LPO: variants seen among roughly 807,000 people sequenced by gnomAD.
LPO encodes the protein lactoperoxidase.
A neutral mutation model predicts 68.4 loss-of-function variants in LPO; 70 were observed. The observed-to-expected ratio is 1.02, with a 90% CI of 0.84 to 1.25. The LOEUF (loss-of-function observed/expected upper bound fraction) is 1.25, where lower values mean the gene tolerates loss of function less well. Ranked by LOEUF, LPO falls within the 50% of genes most tolerant of loss-of-function variation. The pLI is 0.00. For synonymous variants in LPO, 360 were observed against 357.6 expected, an observed-to-expected ratio of 1.01 and a Z score of -0.08; for missense variants, 873 against 908.4, an observed-to-expected ratio of 0.96 and a Z score of 0.50.
chr17:58,254,839 G>A lies in LPO; in HGVS notation c.1134G>A (p.Leu378=). ...AGDSRASEHI[L]LATSHTLFLR... is the part of the protein sequence containing the mutation. ...ATTCTCGAGCCTCAGAGCATATTCT[G>A]CTGGCCACATCCCACACCCTCTTTC... The change falls in exon 9 of 13, where the codon CTG becomes CTA. Residue 378 remains leucine (L), a synonymous_variant. Coordinates refer to ENST00000262290, the MANE Select transcript of LPO (RefSeq NM_006151.3). 3 of 1,614,070 alleles carry A rather than the reference G, an allele frequency of 1.9e-6. No homozygotes were observed. The highest frequency in any genetic ancestry group is 1.3e-5 in the African/African-American group (1 of 75,022).
chr17:58,250,791 C>T (rs1969946432), intron 7 of LPO, 170 bp downstream of exon 7: 1 of 663,742 alleles, frequency 1.5e-6, no homozygotes, highest in Admixed American at 2.4e-5. Flanking sequence ...AGTAAATAGA[C>T]ATTGACCACC....
At chr17:58,265,493 C>A (rs1238803706) in intron 10 of LPO, among the ~76,000 whole-genome samples, 2 of 151,880 alleles carry the variant, frequency 1.3e-5, no homozygotes, top group Non-Finnish European at 2.9e-5. Flanking sequence ...ATTTATGCAA[C>A]CTCTTCCCAT....
chr17:58,244,854 C>T (rs1969824917), intron 3 of LPO, among the ~76,000 whole-genome samples: 2 of 152,228 alleles, frequency 1.3e-5, no homozygotes, highest in Admixed American at 1.3e-4. Flanking sequence ...GAGCCCAGGG[C>T]CCACAGGGCA....
At chr17:58,251,843 GTTGT>G (rs1969963977) in intron 7 of LPO, 1 of 577,270 alleles carries the variant, frequency 1.7e-6, no homozygotes, top group African/African-American at 1.8e-5. Flanking sequence ...CATGGCAGCT[GTTGT>G]TAGTAGTAAT....
rs760317867 is a variant in LPO at position 58,247,648 on chromosome 17, A to G, written c.325+10A>G. On this transcript the variant is annotated intron_variant, in intron 4 of 12. Coordinates refer to ENST00000262290, the MANE Select transcript of LPO (RefSeq NM_006151.3). Reference sequence around the variant, plus strand: ...TTGACCAATGTCACAGGTACAGAAAACCCACCAGCCCTCTGTGGCAGGAAG... The same window carrying G: ...TTGACCAATGTCACAGGTACAGAAAGCCCACCAGCCCTCTGTGGCAGGAAG... The G allele has an allele frequency of 6.2e-7, 1 of 1,611,360 alleles. No homozygotes were observed. The highest frequency in any genetic ancestry group is 8.5e-7 in the Non-Finnish European group (1 of 1,178,214).
At chr17:58,247,673 G>A in intron 4 of LPO, 35 bp downstream of exon 4, 3 of 1,603,168 alleles carry the variant, frequency 1.9e-6, no homozygotes, top group Non-Finnish European at 2.6e-6. Flanking sequence ...GTGGCAGGAA[G>A]GGGTCATCTC....
At chr17:58,241,981 C>A (rs1440362606) in intron 1 of LPO, among the ~76,000 whole-genome samples, 1 of 152,202 alleles carries the variant, frequency 6.6e-6, no homozygotes, top group African/African-American at 2.4e-5. Flanking sequence ...TGGGGGGCAA[C>A]CTGAGGCTGC....
chr17:58,248,369 C>T (rs567031825), intron 4 of LPO, among the ~76,000 whole-genome samples: 43 of 152,294 alleles, frequency 2.8e-4, no homozygotes, highest in African/African-American at 3.6e-4. Flanking sequence ...ACAAAAGGTT[C>T]GGAGAGCTGA....
Position 58,243,977 on chromosome 17 carries a change from C to T in LPO, c.77-17C>T, listed in dbSNP as rs375417975. On this transcript the variant is annotated splice_polypyrimidine_tract_variant and intron_variant, in intron 2 of 12. Transcript: ENST00000262290. The stretch of plus-strand genomic sequence containing the variant: ...GTGTCTGACACCCTACTTCCTGCTC[C>T]CCACTCCAACCCCAAGCGCAGACTA... 8.8e-6 allele frequency: 14 copies of T among 1,592,662 alleles called. No individual in the cohort carries two copies. Among genetic ancestry groups the T allele is most frequent in the Non-Finnish European group, 1.1e-5 (13 of 1,160,846 alleles).
Position 58,254,813 on chromosome 17 carries a change from G to C in LPO, c.1108G>C (p.Asp370His). ...TARVPCFLAG[D>H]SRASEHILLA... is the part of the protein sequence containing the mutation. ...CTTCCTGCCTTCTGGGCTTTCAGGA[G>C]ATTCTCGAGCCTCAGAGCATATTCT... The change falls in exon 9 of 13, where the codon GAT (aspartate) becomes CAT (histidine). Residue 370 changes from aspartate to histidine, a missense_variant and splice_region_variant. Asp to His is a moderately conservative substitution (Grantham distance 81). Transcript: ENST00000262290. 1 of 1,613,930 alleles carries C rather than the reference G, an allele frequency of 6.2e-7. No individual in the cohort carries two copies. The highest frequency in any genetic ancestry group is 8.5e-7 in the Non-Finnish European group (1 of 1,179,928).
intron 10 of LPO, 76 bp from the exon 11 acceptor site, chr17:58,266,077 G>T: frequency 7.1e-7 from 1 of 1,415,470 alleles, no homozygotes; most frequent in Non-Finnish European, 9.7e-7. Context: ...ATGTCTGGTG[G>T]AGGCAGAGGC....
At chr17:58,250,799 A>G (rs887247938) in intron 7 of LPO, 178 bp downstream of exon 7, 3 of 639,414 alleles carry the variant, frequency 4.7e-6, no homozygotes, top group Non-Finnish European at 8.2e-6. Flanking sequence ...GACATTGACC[A>G]CCCCATACCA....
intron 9 of LPO, among the ~76,000 whole-genome samples, chr17:58,256,820 C>T (rs1359928045): frequency 2.0e-4 from 29 of 144,406 alleles, no homozygotes; most frequent in Admixed American, 2.0e-3. Context: ...GAGTGAGACT[C>T]CCTTTCAAAA....
chr17:58,243,062 G>A lies in LPO; in HGVS notation c.76+7G>A, dbSNP rs1293650182. ...GCAGCATCTACCACAAGAGGTGAGT[G>A]TCTCCCTTTACGGGTTTTCTGGGGC... On this transcript the variant is annotated splice_region_variant and intron_variant, in intron 2 of 12. Coordinates refer to ENST00000262290, the MANE Select transcript of LPO (RefSeq NM_006151.3). 3 of 1,613,576 alleles carry A rather than the reference G, an allele frequency of 1.9e-6. No individual in the cohort carries two copies. Among genetic ancestry groups the A allele is most frequent in the Admixed American group, 3.3e-5 (2 of 59,998 alleles).
chr17:58,243,429 C>T (rs8178293), intron 2 of LPO: 3,404 of 231,290 alleles, frequency 0.015, 33 homozygotes, highest in Non-Finnish European at 0.02. Flanking sequence ...TACAAAGACC[C>T]TACTTCCAAA....
rs546490914 is a variant in LPO, at chr17:58,266,624, A to AT, written c.1693+309dup. Among the ~76,000 whole-genome samples the AT allele has an allele frequency of 1.1e-3, 159 of 147,228 alleles. 1 individual carries two copies. The highest frequency in any genetic ancestry group is 3.5e-3 in the Middle Eastern group (1 of 288). The stretch of plus-strand genomic sequence containing the variant: ...TACAGGTGTGCCACATGCCCAGCTT[A>AT]TTTTTTTTTTTAAATATAGACATAG... On this transcript the variant is annotated intron_variant, in intron 11 of 12. Transcript: ENST00000262290.
Position 58,252,173 on chromosome 17 carries a change from T to C in LPO, c.781-9T>C. On this transcript the variant is annotated splice_polypyrimidine_tract_variant and intron_variant, in intron 7 of 12. Transcript: ENST00000262290. ...CCTGCCCAGTCACTTATGCCCACTCTCTCTGCAGTTCCCACCCAATGACCC... is the reference window on the plus strand; with the variant it reads ...CCTGCCCAGTCACTTATGCCCACTCCCTCTGCAGTTCCCACCCAATGACCC... 2 of 1,612,334 alleles carry C rather than the reference T, an allele frequency of 1.2e-6. No individual in the cohort carries two copies. The highest frequency in any genetic ancestry group is 2.2e-5 in the East Asian group (1 of 44,844).
chr17:58,246,609 C>A (rs1484344127), intron 3 of LPO, among the ~76,000 whole-genome samples: 2 of 152,178 alleles, frequency 1.3e-5, no homozygotes, highest in African/African-American at 2.4e-5. Context: ...CATCTGGAAC[C>A]TTGGATGGGA....
intron 2 of LPO, chr17:58,243,318 C>G (rs1969793105): frequency 4.6e-6 from 2 of 435,802 alleles, no homozygotes; most frequent in Non-Finnish European, 8.3e-6. Context: ...CTTTGCGTGG[C>G]CTTTTTCACT....
Sources: allele counts gnomAD v4.1 joint callset (sites outside exome capture counted in the v4.1 genomes callset), GRCh38; gene constraint gnomAD v4.1.1; transcripts MANE v1.5; gene names NCBI Gene and HGNC (gene_info 2026-07-23, HGNC 2026-07-21).